PCDHGA8: variants seen among roughly 807,000 people sequenced by gnomAD.
PCDHGA8 encodes protocadherin gamma subfamily A, 8.
PCDHGA8 carries 45 observed loss-of-function variants against 59.2 expected under a neutral mutation model. That is an observed-to-expected ratio of 0.76 (90% CI 0.60 to 0.98). The LOEUF is 0.98. PCDHGA8 is among the 50% of genes least tolerant of loss of function. The pLI, the probability that PCDHGA8 is intolerant of heterozygous loss-of-function variation, is 0.00. For missense variants in PCDHGA8, 1,257 were observed against 1,196.2 expected (o/e 1.05, Z -0.75); for synonymous variants, 531 against 519.0 (o/e 1.02, Z -0.32).
At chr5:141,409,755 G>C (rs2095312141) in intron 1 of PCDHGA8, 1 of 1,613,024 alleles carries the variant, frequency 6.2e-7, no homozygotes, top group Non-Finnish European at 8.5e-7. Flanking sequence ...TTCGCGCAGC[G>C]CGCCTTTGAT....
rs771884610 is a variant in PCDHGA8, at chr5:141,491,436, G to T, written c.2425-3371G>T. 1 of 1,614,070 alleles carries T rather than the reference G, an allele frequency of 6.2e-7. No individual in the cohort carries two copies. ...ACGGGGGTGGAGGGCAGTGCTGCAGGCGCCAGGACTCACCCTCCCCGGACT... is the reference window on the plus strand; with the variant it reads ...ACGGGGGTGGAGGGCAGTGCTGCAGTCGCCAGGACTCACCCTCCCCGGACT... On this transcript the variant is annotated intron_variant, in intron 1 of 3. Coordinates refer to ENST00000398604, the MANE Select transcript of PCDHGA8 (RefSeq NM_032088.2). The surrounding 1 kb of genome is among the most constrained non-coding windows in gnomAD (Gnocchi z 6.9).
At chr5:141,403,590 C>A (rs770895828) in intron 1 of PCDHGA8, 7 of 1,613,866 alleles carry the variant, frequency 4.3e-6, no homozygotes, top group Non-Finnish European at 5.1e-6. Context: ...CTGGTCCTCA[C>A]GGCCTCGGAT....
In PCDHGA8 at chr5:141,486,757, C is replaced by A; in HGVS notation, c.2425-8050C>A. 5 of 1,614,228 alleles carry A rather than the reference C, an allele frequency of 3.1e-6. No homozygotes were observed. Among genetic ancestry groups the A allele is most frequent in the Non-Finnish European group, 4.2e-6 (5 of 1,180,036 alleles). ...CTCGATCCTTTGACTATGAGCAAAC[C>A]CAGACACTGCAGTTTGAGGTGCAGG... On this transcript the variant is annotated intron_variant, in intron 1 of 3. Coordinates refer to ENST00000398604, the MANE Select transcript of PCDHGA8 (RefSeq NM_032088.2). This position sits in a 1 kb window ranked among gnomAD's most constrained non-coding sequence, Gnocchi z 5.0.
chr5:141,505,270 G>A (rs550800630), intron 2 of PCDHGA8, 123 bp from the exon 3 acceptor site: 103 of 1,520,724 alleles, frequency 6.8e-5, no homozygotes, highest in Middle Eastern at 4.6e-4. Context: ...CTTGCTGAGA[G>A]AAACAGGTCT....
chr5:141,475,914 A>C (rs2099380300), intron 1 of PCDHGA8: 1 of 592,260 alleles, frequency 1.7e-6, no homozygotes, highest in African/African-American at 1.9e-5. Context: ...GCCAATGAAG[A>C]CGCTGGAGAT....
chr5:141,477,978 T>A lies in PCDHGA8; in HGVS notation c.2425-16829T>A. ...TCCCCTAACCAGAGCCTTTTTGCCA[T>A]AGGGCTGCACACTGGTCAAATCAGT... is the stretch of plus-strand genomic sequence containing the variant. On this transcript the variant is annotated intron_variant, in intron 1 of 3. Transcript: ENST00000398604. The surrounding 1 kb of genome is among the most constrained non-coding windows in gnomAD (Gnocchi z 4.9). The A allele has an allele frequency of 6.2e-7, 1 of 1,614,120 alleles. No individual in the cohort carries two copies. Among genetic ancestry groups the A allele is most frequent in the Non-Finnish European group, 8.5e-7 (1 of 1,180,022 alleles).
intron 1 of PCDHGA8, chr5:141,423,750 TGG>T (rs144521096): frequency 3.2e-4 from 92 of 287,850 alleles, no homozygotes; most frequent in South Asian, 5.2e-4. Context: ...GAAAACTGTT[TGG>T]GGGGGGGGTG....
intron 1 of PCDHGA8, among the ~76,000 whole-genome samples, chr5:141,472,437 G>A (rs1332528325): frequency 6.6e-6 from 1 of 152,116 alleles, no homozygotes; most frequent in Non-Finnish European, 1.5e-5. Flanking sequence ...CTACTAGGGA[G>A]GCTGAGGCAG....
rs1561685937 is a variant in PCDHGA8 at position 141,403,112 on chromosome 5, C to T, written c.2424+7875C>T. On this transcript the variant is annotated intron_variant, in intron 1 of 3. Coordinates refer to ENST00000398604, the MANE Select transcript of PCDHGA8 (RefSeq NM_032088.2). ...GGGCAACATCTCCAAGGACCTGGCT[C>T]TGGAGCCCCGGGAGCTGGCGGAGCG... 5.6e-6 allele frequency: 9 copies of T among 1,614,074 alleles called. No individual in the cohort carries two copies. In the East Asian group the frequency reaches 2.0e-4, roughly 36 times the overall value.
chr5:141,450,823 A>AT (rs1453980247), intron 1 of PCDHGA8, among the ~76,000 whole-genome samples: 4 of 133,078 alleles, frequency 3.0e-5, no homozygotes, highest in African/African-American at 1.2e-4. Context: ...TAATATTATT[A>AT]TTATTATTTT....
At position 141,414,131 on chromosome 5, in the gene PCDHGA8, A is replaced by G. The variant is rs977911874; in HGVS notation, c.2424+18894A>G. 1.9e-6 allele frequency: 3 copies of G among 1,594,622 alleles called. No homozygotes were observed. The highest frequency in any genetic ancestry group is 2.7e-5 in the African/African-American group (2 of 74,402). The stretch of plus-strand genomic sequence containing the variant: ...CTAGATTATGAAGAAACCGGTTTCT[A>G]TGAAATAGAAATACAAGCAGAAGAT... On this transcript the variant is annotated intron_variant, in intron 1 of 3. Transcript: ENST00000398604.
intron 1 of PCDHGA8, among the ~76,000 whole-genome samples, chr5:141,469,187 G>T (rs147209381): frequency 5.9e-5 from 9 of 151,588 alleles, no homozygotes; most frequent in African/African-American, 1.9e-4. Context: ...GAGGCAAGAG[G>T]ATTGCTTGAG....
intron 1 of PCDHGA8, among the ~76,000 whole-genome samples, chr5:141,430,380 T>C (rs1464446838): frequency 2.7e-5 from 4 of 147,890 alleles, no homozygotes; most frequent in Non-Finnish European, 4.5e-5. Flanking sequence ...AAAAGCTCAT[T>C]GGGAAAAAAA....
At chr5:141,461,501 T>A (rs113852528) in intron 1 of PCDHGA8, among the ~76,000 whole-genome samples, 4 of 152,310 alleles carry the variant, frequency 2.6e-5, no homozygotes, top group South Asian at 2.1e-4. Context: ...TTATTTTTCT[T>A]GGTGATTTGT....
Position 141,394,379 on chromosome 5 carries a change from T to G in PCDHGA8, c.1566T>G (p.Tyr522Ter). 6.2e-7 allele frequency: 1 copy of G among 1,614,160 alleles called. No homozygotes were observed. Among genetic ancestry groups the G allele is most frequent in the Non-Finnish European group, 8.5e-7 (1 of 1,180,024 alleles). ...TGTATGCGCTGCAATCTTTCGACTA[T>G]GAGCAGATCCGAGACCTGCAGCTAC... is the stretch of plus-strand genomic sequence containing the variant. ...GVLYALQSFDYEQIRDLQLLV... is the reference protein window; with the variant it reads ...GVLYALQSFD The change falls in exon 1 of 4, where the codon TAT becomes TAG. Residue 522 changes from tyrosine (Y) to a stop codon, truncating the protein, a stop_gained. Coordinates refer to ENST00000398604, the MANE Select transcript of PCDHGA8 (RefSeq NM_032088.2). LOFTEE classifies it high-confidence loss of function.
chr5:141,447,709 T>C (rs896203283), intron 1 of PCDHGA8, among the ~76,000 whole-genome samples: 1 of 152,210 alleles, frequency 6.6e-6, no homozygotes, highest in East Asian at 1.9e-4. Context: ...TATAAGGATG[T>C]ACACATTTTC....
chr5:141,414,009 TGGA>T (rs2095701451), intron 1 of PCDHGA8: 2 of 1,612,964 alleles, frequency 1.2e-6, no homozygotes, highest in Middle Eastern at 1.7e-4. Context: ...AAGGTGCCAA[TGGA>T]GAAGTGACAT....
At chr5:141,498,971 G>GGAAGGAA (rs2099787559) in intron 2 of PCDHGA8, among the ~76,000 whole-genome samples, 2 of 111,052 alleles carry the variant, frequency 1.8e-5, no homozygotes, top group African/African-American at 7.2e-5. Context: ...GAGGGAGGGA[G>GGAAGGAA]GGAAGGAAGG....
chr5:141,419,569 C>T (rs1200109635), intron 1 of PCDHGA8: 3 of 1,611,654 alleles, frequency 1.9e-6, no homozygotes, highest in East Asian at 2.2e-5. Context: ...TGGGTCCCGA[C>T]GGCTCCGCGC....
Sources: allele counts gnomAD v4.1 joint callset (sites outside exome capture counted in the v4.1 genomes callset), GRCh38; gene constraint gnomAD v4.1.1; non-coding constraint Gnocchi (gnomAD v3.1); transcripts MANE v1.5; gene names NCBI Gene and HGNC (gene_info 2026-07-23, HGNC 2026-07-21).